The following RXRA variants were observed in gnomAD, a reference collection of about 807,000 sequenced individuals.
The protein encoded by RXRA is retinoid X receptor alpha, also known as retinoic acid receptor RXR-alpha.
RXRA carries 5 observed loss-of-function variants against 44.5 expected under a neutral mutation model. The ratio of observed to expected loss-of-function variants is 0.11; its 90% CI spans 0.06 to 0.24. The LOEUF is 0.24. Ranked by LOEUF, RXRA falls within the 10% of genes least tolerant of loss-of-function variation. The probability of loss-of-function intolerance (pLI) is 1.00; values close to 1 mark genes in which losing one functional copy is unlikely to be tolerated. For synonymous variants in RXRA, 291 were observed against 271.4 expected, an observed-to-expected ratio of 1.07 and a Z score of -0.71; for missense variants, 412 against 646.5, an observed-to-expected ratio of 0.64 and a Z score of 3.93.
intron 1 of RXRA, among the ~76,000 whole-genome samples, chr9:134,339,850 A>T (rs1830064509): frequency 7.9e-6 from 1 of 125,832 alleles, no homozygotes; most frequent in Non-Finnish European, 1.7e-5. Context: ...TGTGTGTGTG[A>T]GCCCATGTGT....
intron 1 of RXRA, among the ~76,000 whole-genome samples, chr9:134,389,166 G>T (rs572219910): frequency 6.6e-6 from 1 of 152,360 alleles, no homozygotes; most frequent in East Asian, 1.9e-4. Context: ...TGCCCCTCTG[G>T]ATGGCACAGA....
rs1302685552 is a variant in RXRA at position 134,365,267 on chromosome 9, C to G, written c.29-36365C>G. On this transcript the variant is annotated intron_variant, in intron 1 of 9. Coordinates refer to ENST00000481739, the MANE Select transcript of RXRA (RefSeq NM_002957.6). This position sits in a 1 kb window ranked among gnomAD's most constrained non-coding sequence, Gnocchi z 4.0. ...GGAGATAGAGGTTGAGGATCACAGC[C>G]CCAGCCTGCAGGCGCTCGAGCTGAA... Among the ~76,000 whole-genome samples, 1 of 152,228 alleles carries G rather than the reference C, an allele frequency of 6.6e-6. No individual in the cohort carries two copies. Among genetic ancestry groups the G allele is most frequent in the Non-Finnish European group, 1.5e-5 (1 of 68,030 alleles).
At chr9:134,436,038 G>T (rs974851658) in intron 9 of RXRA, among the ~76,000 whole-genome samples, 2 of 152,196 alleles carry the variant, frequency 1.3e-5, no homozygotes, top group African/African-American at 4.8e-5. Flanking sequence ...TAGAGACAGG[G>T]TCTCACTGCG....
In RXRA at chr9:134,338,676, T is replaced by C. The variant is rs569222599; in HGVS notation, c.28+12017T>C. 1.3e-3 allele frequency among the ~76,000 whole-genome samples: 191 copies of C among 152,334 alleles called. 1 individual carries two copies. Among genetic ancestry groups the C allele is most frequent in the African/African-American group, 4.3e-3 (180 of 41,584 alleles). ...GGATCCCACGCAGCCTGGACGTGGCTGATAAGCTGTGAACTCATTATCGGA... is the reference window on the plus strand; with the variant it reads ...GGATCCCACGCAGCCTGGACGTGGCCGATAAGCTGTGAACTCATTATCGGA... On this transcript the variant is annotated intron_variant, in intron 1 of 9. Transcript: ENST00000481739.
At chr9:134,411,996 C>T (rs935266953) in intron 4 of RXRA, among the ~76,000 whole-genome samples, 25 of 152,312 alleles carry the variant, frequency 1.6e-4, no homozygotes, top group African/African-American at 5.5e-4. Flanking sequence ...TTGGCAGGCA[C>T]CCTCCTCCCC....
chr9:134,431,147 C>T (rs35575043), intron 7 of RXRA, among the ~76,000 whole-genome samples: 7 of 152,264 alleles, frequency 4.6e-5, no homozygotes, highest in Admixed American at 2.6e-4. Context: ...TCCTTTCCCC[C>T]GCTGTGGCCC....
chr9:134,362,719 G>A (rs1830367106), intron 1 of RXRA, among the ~76,000 whole-genome samples: 1 of 152,134 alleles, frequency 6.6e-6, no homozygotes, highest in Non-Finnish European at 1.5e-5. Context: ...GCCCAGCAAG[G>A]CCCCCACGAG....
At chr9:134,409,283 C>T (rs1036711550) in intron 4 of RXRA, among the ~76,000 whole-genome samples, 164 bp downstream of exon 4, 2 of 152,160 alleles carry the variant, frequency 1.3e-5, no homozygotes, top group African/African-American at 2.4e-5. Context: ...CGTGGGCACA[C>T]GTGCGGCCCA....
intron 1 of RXRA, among the ~76,000 whole-genome samples, chr9:134,334,636 G>A (rs781109691): frequency 1.1e-4 from 16 of 152,250 alleles, no homozygotes; most frequent in Non-Finnish European, 2.2e-4. Flanking sequence ...CTTCCCCTCT[G>A]TGGGCTTCAG....
At chr9:134,411,188 C>A in intron 4 of RXRA, among the ~76,000 whole-genome samples, 1 of 152,220 alleles carries the variant, frequency 6.6e-6, no homozygotes, top group Non-Finnish European at 1.5e-5. Context: ...ACCCTCCAGG[C>A]TGCACTGACT....
chr9:134,397,535 A>G (rs1410979760), intron 1 of RXRA, among the ~76,000 whole-genome samples: 1 of 151,856 alleles, frequency 6.6e-6, no homozygotes, highest in African/African-American at 2.4e-5. Flanking sequence ...GTCTTCCTGG[A>G]TAGAAATCTA....
At chr9:134,382,158 T>C (rs1307969336) in intron 1 of RXRA, among the ~76,000 whole-genome samples, 1 of 151,088 alleles carries the variant, frequency 6.6e-6, no homozygotes, top group Non-Finnish European at 1.5e-5. Context: ...TGAGCCAAGG[T>C]GTAGATGCTG....
At position 134,409,081 on chromosome 9, in the gene RXRA, G is replaced by A. The variant is rs1564289265; in HGVS notation, c.572G>A (p.Arg191His). Residue 191 changes from arginine to histidine, a missense_variant, in exon 4 of 10, where the codon CGC becomes CAC. Physicochemically the swap from Arg to His is conservative, Grantham distance 29 (BLOSUM62 0). Transcript: ENST00000481739. ...CAGCGGAACCGGTGCCAGTACTGCC[G>A]CTACCAGAAGTGCCTGGCCATGGGC... Reference protein sequence around the residue: ...KRQRNRCQYCRYQKCLAMGMK... With the variant: ...KRQRNRCQYCHYQKCLAMGMK... 1.2e-6 allele frequency: 2 copies of A among 1,605,518 alleles called. No homozygotes were observed. The highest frequency in any genetic ancestry group is 1.7e-6 in the Non-Finnish European group (2 of 1,176,102).
chr9:134,384,283 T>C lies in RXRA; in HGVS notation c.29-17349T>C, dbSNP rs1335518276. Among the ~76,000 whole-genome samples, 14 of 152,286 alleles carry C rather than the reference T, an allele frequency of 9.2e-5. No homozygotes were observed. In the South Asian group the frequency reaches 1.2e-3, roughly 14 times the overall value. Reference sequence around the variant, plus strand: ...CCTCGGGAGGAGTCCTGGACCCTCCTCGCTGTCACCCCAGGGACCTCCCTC... The same window carrying C: ...CCTCGGGAGGAGTCCTGGACCCTCCCCGCTGTCACCCCAGGGACCTCCCTC... On this transcript the variant is annotated intron_variant, in intron 1 of 9. Coordinates refer to ENST00000481739, the MANE Select transcript of RXRA (RefSeq NM_002957.6).
At position 134,365,350 on chromosome 9, in the gene RXRA, G is replaced by A; in HGVS notation, c.29-36282G>A. ...CCTGGGTGAGTGACCAGGCGGCCTT[G>A]GGTCTCTGGTGAGCTCAGGGAGCGG... On this transcript the variant is annotated intron_variant, in intron 1 of 9. Transcript: ENST00000481739. This position sits in a 1 kb window ranked among gnomAD's most constrained non-coding sequence, Gnocchi z 4.0. Among the ~76,000 whole-genome samples, 1 of 152,262 alleles carries A rather than the reference G, an allele frequency of 6.6e-6. No individual in the cohort carries two copies. The highest frequency in any genetic ancestry group is 1.9e-4 in the East Asian group (1 of 5,198).
rs190117291 is a variant in RXRA, at chr9:134,408,460, C to A, written c.430+161C>A. On this transcript the variant is annotated intron_variant, in intron 3 of 9. Transcript: ENST00000481739. ...GCCATGCCCCACTCCCAGGGCTCCGCGAGGCCATTCCAGGGTTCTCACGTC... is the reference window on the plus strand; with the variant it reads ...GCCATGCCCCACTCCCAGGGCTCCGAGAGGCCATTCCAGGGTTCTCACGTC... 1.7e-3 allele frequency among the ~76,000 whole-genome samples: 256 copies of A among 152,248 alleles called. 2 individuals carry two copies. The highest frequency in any genetic ancestry group is 2.1e-3 in the Non-Finnish European group (141 of 68,018).
chr9:134,410,848 G>T (rs1365531726), intron 4 of RXRA, among the ~76,000 whole-genome samples: 1 of 152,232 alleles, frequency 6.6e-6, no homozygotes, highest in Non-Finnish European at 1.5e-5. Flanking sequence ...GCAGATGAGA[G>T]CGCTGTGCAT....
At chr9:134,388,321 G>T (rs112017958) in intron 1 of RXRA, among the ~76,000 whole-genome samples, 318 of 88,696 alleles carry the variant, frequency 3.6e-3, no homozygotes, top group Admixed American at 6.5e-3. Context: ...GCGTGCACAG[G>T]CACACGTGTT....
At chr9:134,362,200 C>T (rs926993880) in intron 1 of RXRA, among the ~76,000 whole-genome samples, 15 of 152,154 alleles carry the variant, frequency 9.9e-5, no homozygotes, top group African/African-American at 3.1e-4. Context: ...AGTGCGTGGC[C>T]GCTGCTCATG....
Sources: allele counts gnomAD v4.1 joint callset (sites outside exome capture counted in the v4.1 genomes callset), GRCh38; gene constraint gnomAD v4.1.1; non-coding constraint Gnocchi (gnomAD v3.1); transcripts MANE v1.5; gene names NCBI Gene and HGNC (gene_info 2026-07-23, HGNC 2026-07-21).